The following MINDY4 variants were observed in gnomAD, a reference collection of about 807,000 sequenced individuals.
MINDY4 encodes the protein MINDY lysine 48 deubiquitinase 4, also known as probable ubiquitin carboxyl-terminal hydrolase MINDY-4.
In MINDY4, 68 loss-of-function variants were observed where a neutral mutation model predicts 87.0. That is an observed-to-expected ratio of 0.78 (90% confidence interval 0.64 to 0.96). MINDY4 has a LOEUF of 0.96. Ranked by LOEUF, MINDY4 falls within the 40% of genes least tolerant of loss-of-function variation. The pLI is 0.00. For missense variants in MINDY4, 919 were observed against 928.2 expected, an observed-to-expected ratio of 0.99 and a Z score of 0.13; for synonymous variants, 379 against 363.2, an observed-to-expected ratio of 1.04 and a Z score of -0.50.
chr7:30,809,799 A>G (rs965801297), intron 5 of MINDY4, among the ~76,000 whole-genome samples: 2 of 126,204 alleles, frequency 1.6e-5, no homozygotes, highest in Non-Finnish European at 3.1e-5. Flanking sequence ...AAAAAGGGGG[A>G]AAAAAAAGGG....
chr7:30,828,973 G>A (rs1788608216), intron 6 of MINDY4, among the ~76,000 whole-genome samples: 1 of 152,012 alleles, frequency 6.6e-6, no homozygotes, highest in South Asian at 2.1e-4. Context: ...TCTACACTGT[G>A]GGGCCAGAGA....
At chr7:30,861,973 C>A (rs1327269661) in intron 13 of MINDY4, among the ~76,000 whole-genome samples, 2 of 152,252 alleles carry the variant, frequency 1.3e-5, no homozygotes, top group Non-Finnish European at 2.9e-5. Flanking sequence ...CAAGCCCCGC[C>A]CAGGGGCATG....
intron 6 of MINDY4, among the ~76,000 whole-genome samples, chr7:30,835,777 T>TG (rs1289480490): frequency 5.9e-5 from 9 of 152,262 alleles, no homozygotes; most frequent in Admixed American, 5.9e-4. Flanking sequence ...TGCTCAGCCT[T>TG]GCCGGCACCA....
chr7:30,798,901 T>C (rs572658702), intron 5 of MINDY4, among the ~76,000 whole-genome samples: 1 of 152,306 alleles, frequency 6.6e-6, no homozygotes, highest in East Asian at 1.9e-4. Flanking sequence ...ATGTGAGCAG[T>C]GAGCTGTCCT....
chr7:30,836,622 T>TA, intron 6 of MINDY4, 36 bp from the exon 7 acceptor site: 1 of 1,547,030 alleles, frequency 6.5e-7, no homozygotes, highest in Non-Finnish European at 8.9e-7. Context: ...CCGTGAGTCA[T>TA]AACGAAGGGC....
chr7:30,847,071 A>G (rs755696512), intron 9 of MINDY4, among the ~76,000 whole-genome samples: 15 of 152,156 alleles, frequency 9.9e-5, no homozygotes, highest in Non-Finnish European at 1.8e-4. Flanking sequence ...CTTTGGGGGC[A>G]TCTGACCCAG....
intron 5 of MINDY4, among the ~76,000 whole-genome samples, chr7:30,808,177 C>T (rs775772058): frequency 1.1e-4 from 16 of 152,256 alleles, no homozygotes; most frequent in African/African-American, 3.6e-4. Flanking sequence ...GGCAGGCCCC[C>T]GTGGAGGATC....
intron 5 of MINDY4, among the ~76,000 whole-genome samples, chr7:30,792,317 G>A (rs1393943857): frequency 1.3e-5 from 2 of 151,726 alleles, no homozygotes; most frequent in African/African-American, 4.8e-5. Context: ...GGTTTTGTGT[G>A]TAGGTTTATG....
chr7:30,786,224 G>A, intron 4 of MINDY4: 3 of 541,584 alleles, frequency 5.5e-6, no homozygotes, highest in Non-Finnish European at 9.7e-6. Context: ...TTGTTTGTGA[G>A]GTGGATGCCA....
Position 30,892,304 on chromosome 7 carries a change from C to A in MINDY4, c.*299C>A. 2.5e-6 allele frequency: 1 copy of A among 401,928 alleles called. No individual in the cohort carries two copies. Among genetic ancestry groups the A allele is most frequent in the Non-Finnish European group, 4.5e-6 (1 of 222,296 alleles). The allele number at this position is 401,928 out of a possible 1,614,324, so 24.9% of individuals were successfully genotyped here. A position where few individuals can be genotyped will look rare whatever the true frequency, so the allele number is the denominator to read the frequency against. On this transcript the variant is annotated 3_prime_UTR_variant, in exon 18 of 18. Transcript: ENST00000265299. ...CCTCCCTTGCTCCCTGCTGGGTGGT[C>A]CCTCACCCAGGCCTCCAATGTGGTT...
chr7:30,890,542 A>T (rs1056174485), intron 17 of MINDY4, among the ~76,000 whole-genome samples: 1 of 152,248 alleles, frequency 6.6e-6, no homozygotes, highest in African/African-American at 2.4e-5. Flanking sequence ...TCAAAGGGAA[A>T]TGGAATGGTG....
chr7:30,880,271 C>G (rs1790418684), intron 15 of MINDY4, among the ~76,000 whole-genome samples: 1 of 151,480 alleles, frequency 6.6e-6, no homozygotes, highest in Admixed American at 6.6e-5. Flanking sequence ...AAGTCCCAGA[C>G]TGTGCTGTAG....
intron 5 of MINDY4, among the ~76,000 whole-genome samples, chr7:30,816,176 C>T (rs960141669): frequency 8.6e-5 from 13 of 151,366 alleles, no homozygotes; most frequent in Non-Finnish European, 1.6e-4. Flanking sequence ...ATACCAATTG[C>T]GTGCCCGGGT....
At chr7:30,801,671 C>T (rs1010261373) in intron 5 of MINDY4, among the ~76,000 whole-genome samples, 1 of 152,114 alleles carries the variant, frequency 6.6e-6, no homozygotes, top group Non-Finnish European at 1.5e-5. Context: ...CACTCTGAGC[C>T]CTCCAAAAAT....
intron 6 of MINDY4, among the ~76,000 whole-genome samples, chr7:30,833,054 T>C (rs558549946): frequency 1.1e-4 from 17 of 152,338 alleles, no homozygotes; most frequent in African/African-American, 3.8e-4. Context: ...GTTTCTTACT[T>C]TCTCTACCCA....
chr7:30,833,682 G>A (rs1485219097), intron 6 of MINDY4, among the ~76,000 whole-genome samples: 2 of 152,194 alleles, frequency 1.3e-5, no homozygotes, highest in Non-Finnish European at 2.9e-5. Flanking sequence ...TCTCATTTGA[G>A]ACAAGGCAAG....
chr7:30,804,719 A>G (rs1787755649), intron 5 of MINDY4, among the ~76,000 whole-genome samples: 1 of 152,204 alleles, frequency 6.6e-6, no homozygotes, highest in African/African-American at 2.4e-5. Flanking sequence ...CATATTTACA[A>G]GTGGGGAAAC....
intron 14 of MINDY4, among the ~76,000 whole-genome samples, chr7:30,875,171 A>G (rs1790221715): frequency 6.6e-6 from 1 of 152,172 alleles, no homozygotes. Flanking sequence ...GACCCAAAGC[A>G]CATGTCAAGA....
rs1262898395 is a variant in MINDY4, at chr7:30,807,830, C to T, written c.1073+16256C>T. On this transcript the variant is annotated intron_variant, in intron 5 of 17. Coordinates refer to ENST00000265299, the MANE Select transcript of MINDY4 (RefSeq NM_032222.3). ...TGCTCAGTTGATCACGACCCTCTCA[C>T]GCGGACTCTGTTAGAATTGTGCGCC... Among the ~76,000 whole-genome samples, 5 of 152,232 alleles carry T rather than the reference C, an allele frequency of 3.3e-5. 1 individual carries two copies. Among genetic ancestry groups the T allele is most frequent in the Non-Finnish European group, 7.3e-5 (5 of 68,038 alleles).
Sources: gnomAD v4.1 joint callset for allele counts (sites outside exome capture counted in the v4.1 genomes callset) on GRCh38, gnomAD v4.1.1 for gene constraint, MANE v1.5 for transcripts, NCBI Gene and HGNC (gene_info 2026-07-23, HGNC 2026-07-21) for gene names.